HERPUD2: variants seen among roughly 807,000 people sequenced by gnomAD.
The protein encoded by HERPUD2 is HERPUD family member 2.
Under a neutral mutation model 49.9 loss-of-function variants are expected in HERPUD2, and 13 were observed. That is an observed-to-expected ratio of 0.26 (90% confidence interval 0.17 to 0.41). The LOEUF is 0.41. Among genes scored for constraint, HERPUD2 ranks in the 10% least tolerant of loss-of-function variants. The pLI is 1.00. For missense variants in HERPUD2, 449 were observed against 492.2 expected (o/e 0.91, Z 0.83); for synonymous variants, 172 against 171.4 (o/e 1.00, Z -0.03).
chr7:35,656,928 G>T (rs186165158), intron 5 of HERPUD2, among the ~76,000 whole-genome samples: 2 of 152,036 alleles, frequency 1.3e-5, no homozygotes, highest in Admixed American at 6.6e-5. Flanking sequence ...GAAAACAGGG[G>T]AAACACTTCA....
At chr7:35,663,396 G>T (rs1016231097) in intron 5 of HERPUD2, among the ~76,000 whole-genome samples, 8 of 152,190 alleles carry the variant, frequency 5.3e-5, no homozygotes, top group Non-Finnish European at 1.0e-4. Flanking sequence ...GGAGTGGAGA[G>T]TTCTGCAGGT....
chr7:35,635,329 T>A lies in HERPUD2; in HGVS notation c.747A>T (p.Glu249Asp). The A allele has an allele frequency of 6.2e-7, 1 of 1,614,038 alleles. No individual in the cohort carries two copies. Among genetic ancestry groups the A allele is most frequent in the Non-Finnish European group, 8.5e-7 (1 of 1,180,036 alleles). ...PPPAPNLVAQ[E>D]NRPMNENVQM... is the part of the protein sequence containing the mutation. The stretch of plus-strand genomic sequence containing the variant: ...GAACATTCTCATTCATGGGTCGATT[T>A]TCTTGGGCCACTAGGTTTGGAGCTG... Residue 249 changes from glutamate to aspartate, a missense_variant, in exon 7 of 9, where the codon GAA becomes GAT. By Grantham distance (45) the Glu-to-Asp change is conservative. Coordinates refer to ENST00000311350, the MANE Select transcript of HERPUD2 (RefSeq NM_022373.5).
chr7:35,692,343 A>G (rs1295480648), intron 2 of HERPUD2, among the ~76,000 whole-genome samples: 2 of 152,212 alleles, frequency 1.3e-5, no homozygotes, highest in Admixed American at 1.3e-4. Context: ...AAAAGTCTAT[A>G]AACTGCAGAC....
At chr7:35,638,931 TAAA>T (rs2115833053) in intron 5 of HERPUD2, among the ~76,000 whole-genome samples, 1 of 151,532 alleles carries the variant, frequency 6.6e-6, no homozygotes, top group East Asian at 1.9e-4. Context: ...AGCTGTAAAA[TAAA>T]AAAGAACATT....
rs556448452 is a variant in HERPUD2 at position 35,694,086 on chromosome 7, T to C, written c.147+98A>G. Reference sequence around the variant, plus strand: ...CTCGCGGTCTACCAAAAGAGACCTATTTGATTCAAGACTGGAGGGGAGAAG... The same window carrying C: ...CTCGCGGTCTACCAAAAGAGACCTACTTGATTCAAGACTGGAGGGGAGAAG... On this transcript the variant is annotated intron_variant, in intron 2 of 8. Coordinates refer to ENST00000311350, the MANE Select transcript of HERPUD2 (RefSeq NM_022373.5). 3.1e-6 allele frequency: 4 copies of C among 1,306,846 alleles called. No individual in the cohort carries two copies. The South Asian group carries it at 4.9e-5, about 16-fold the overall frequency. The allele number at this position is 1,306,846 out of a possible 1,614,324, so 81.0% of individuals were successfully genotyped here. A position where few individuals can be genotyped will look rare whatever the true frequency, so the allele number is the denominator to read the frequency against.
chr7:35,648,283 C>T (rs187875305), intron 5 of HERPUD2, among the ~76,000 whole-genome samples: 7 of 152,234 alleles, frequency 4.6e-5, no homozygotes, highest in South Asian at 4.1e-4. Context: ...TAATATTTCA[C>T]GGGAATAAAA....
chr7:35,674,379 C>CTATATATATATATATATATA lies in HERPUD2; in HGVS notation c.148-1121_148-1102dup, dbSNP rs1232272764. On this transcript the variant is annotated intron_variant, in intron 2 of 8. Transcript: ENST00000311350. ...GTTTTAAAATCATAAGTCTTACAAC[C>CTATATATATATATATATATA]TATATATATATATATATATATATAT... Among the ~76,000 whole-genome samples the CTATATATATATATATATATA allele has an allele frequency of 8.1e-4, 35 of 42,960 alleles. 2 individuals are homozygous for CTATATATATATATATATATA. The highest frequency in any genetic ancestry group is 9.8e-4 in the Admixed American group (3 of 3,076). The allele number at this position is 42,960 out of a possible 152,430, so 28.2% of individuals were successfully genotyped here.
intron 5 of HERPUD2, among the ~76,000 whole-genome samples, chr7:35,662,770 TATTA>T (rs1785452265): frequency 6.6e-6 from 1 of 152,222 alleles, no homozygotes; most frequent in African/African-American, 2.4e-5. Flanking sequence ...TTTTGTTCTT[TATTA>T]GTCTTGCTAG....
At chr7:35,689,775 C>G (rs1432140811) in intron 2 of HERPUD2, among the ~76,000 whole-genome samples, 1 of 152,104 alleles carries the variant, frequency 6.6e-6, no homozygotes, top group Non-Finnish European at 1.5e-5. Context: ...CAGAGGAAAT[C>G]TGCCCAGAAC....
At chr7:35,683,397 T>C (rs1038648141) in intron 2 of HERPUD2, among the ~76,000 whole-genome samples, 1 of 152,204 alleles carries the variant, frequency 6.6e-6, no homozygotes, top group African/African-American at 2.4e-5. Context: ...GATCCTCATA[T>C]TTCACCTTAT....
In HERPUD2 at chr7:35,633,837, A is replaced by G; in HGVS notation, c.1074T>C (p.Asp358=). 1 of 1,613,826 alleles carries G rather than the reference A, an allele frequency of 6.2e-7. No individual in the cohort carries two copies. The highest frequency in any genetic ancestry group is 2.2e-5 in the East Asian group (1 of 44,866). Residue 358 remains aspartate (D), a synonymous_variant, in exon 9 of 9, where the codon GAT becomes GAC. Transcript: ENST00000311350. ...CTCCACTCTCATCTTCAAGCCCATCATCCATAAGACGCTCCTTTCAAGCAA... is the reference window on the plus strand; with the variant it reads ...CTCCACTCTCATCTTCAAGCCCATCGTCCATAAGACGCTCCTTTCAAGCAA... ...LELEEMERLM[D]DGLEDESGED...
chr7:35,650,216 G>A (rs1785134637), intron 5 of HERPUD2, among the ~76,000 whole-genome samples: 1 of 152,162 alleles, frequency 6.6e-6, no homozygotes, highest in Non-Finnish European at 1.5e-5. Context: ...GAATTCAATA[G>A]AGAAGTGACA....
rs1402859540 is a variant in HERPUD2 at position 35,694,325 on chromosome 7, G to A, written c.6C>T (p.Asp2=). M[D]QSGMEIPVTL... is the part of the protein sequence containing the mutation. The stretch of plus-strand genomic sequence containing the variant: ...TCACAGGAATCTCCATCCCACTTTG[G>A]TCCATGGTGCCCCCAAAGTCAGACA... The change falls in exon 2 of 9, where the codon GAC becomes GAT. Residue 2 remains aspartate, a synonymous_variant. Coordinates refer to ENST00000311350, the MANE Select transcript of HERPUD2 (RefSeq NM_022373.5). 1.2e-6 allele frequency: 2 copies of A among 1,614,100 alleles called. No individual in the cohort carries two copies. Among genetic ancestry groups the A allele is most frequent in the East Asian group, 2.2e-5 (1 of 44,880 alleles).
At chr7:35,637,170 G>A (rs1175992224) in intron 6 of HERPUD2, among the ~76,000 whole-genome samples, 3 of 147,550 alleles carry the variant, frequency 2.0e-5, no homozygotes, top group Admixed American at 6.7e-5. Context: ...AAGATAGATA[G>A]ATAGATAGAT....
chr7:35,664,698 T>G (rs1211353712), intron 5 of HERPUD2, among the ~76,000 whole-genome samples: 1 of 152,234 alleles, frequency 6.6e-6, no homozygotes, highest in African/African-American at 2.4e-5. Flanking sequence ...CTGAAGCTTG[T>G]GCATGCATCA....
intron 4 of HERPUD2, among the ~76,000 whole-genome samples, chr7:35,669,152 C>T (rs966797888): frequency 9.2e-5 from 14 of 152,092 alleles, no homozygotes; most frequent in African/African-American, 3.4e-4. Flanking sequence ...AAACTCTGTG[C>T]CAATGCCAAT....
At chr7:35,690,948 C>T (rs1303429951) in intron 2 of HERPUD2, among the ~76,000 whole-genome samples, 2 of 152,194 alleles carry the variant, frequency 1.3e-5, no homozygotes, top group East Asian at 1.9e-4. Context: ...TCCCCTAACC[C>T]CTACTCCAGA....
At chr7:35,650,809 T>G (rs557472229) in intron 5 of HERPUD2, among the ~76,000 whole-genome samples, 1 of 152,236 alleles carries the variant, frequency 6.6e-6, no homozygotes, top group South Asian at 2.1e-4. Flanking sequence ...CAGGCTGCAG[T>G]GCATCTCCCG....
chr7:35,647,411 T>C (rs147491389), intron 5 of HERPUD2, among the ~76,000 whole-genome samples: 1 of 152,340 alleles, frequency 6.6e-6, no homozygotes, highest in African/African-American at 2.4e-5. Flanking sequence ...CTATCTGACC[T>C]ACTTTCAGTG....
Sources: allele counts gnomAD v4.1 joint callset (sites outside exome capture counted in the v4.1 genomes callset), GRCh38; gene constraint gnomAD v4.1.1; transcripts MANE v1.5; gene names NCBI Gene and HGNC (gene_info 2026-07-23, HGNC 2026-07-21).